PHLDB2: variants seen among roughly 807,000 people sequenced by gnomAD.
The protein encoded by PHLDB2 is pleckstrin homology like domain family B member 2.
A neutral mutation model predicts 123.6 loss-of-function variants in PHLDB2; 71 were observed. The observed-to-expected ratio is 0.57, with a 90% CI of 0.47 to 0.70. The LOEUF (loss-of-function observed/expected upper bound fraction) is 0.70. PHLDB2 is among the 30% of genes least tolerant of loss of function. The pLI is 0.00. For missense variants in PHLDB2, 1,446 were observed against 1,519.5 expected (o/e 0.95, Z 0.80); for synonymous variants, 547 against 541.6 (o/e 1.01, Z -0.14).
intron 2 of PHLDB2, among the ~76,000 whole-genome samples, chr3:111,894,619 G>A (rs1282520352): frequency 2.6e-5 from 4 of 151,500 alleles, no homozygotes; most frequent in African/African-American, 9.7e-5. Flanking sequence ...GGTGTGAGAT[G>A]GTTTCTCATT....
chr3:111,878,821 T>G (rs529674277), intron 1 of PHLDB2, among the ~76,000 whole-genome samples: 1 of 152,236 alleles, frequency 6.6e-6, no homozygotes, highest in African/African-American at 2.4e-5. Flanking sequence ...ATGTGGTTTT[T>G]ATTATTGGTT....
intron 1 of PHLDB2, among the ~76,000 whole-genome samples, chr3:111,734,168 A>G (rs772122751): frequency 2.6e-5 from 4 of 152,230 alleles, no homozygotes; most frequent in Non-Finnish European, 4.4e-5. Flanking sequence ...GTTTCTGTGA[A>G]GATATTAAGC....
chr3:111,884,554 C>T lies in PHLDB2; in HGVS notation c.477C>T (p.Asp159=), dbSNP rs752229010. ...ATAGCTCAAGGCATAAATCGCATGA[C>T]AATGTCTACTCTCTTGGAGGGCTGG... ...SKYSSRHKSH[D]NVYSLGGLEG... is the part of the protein sequence containing the mutation. Residue 159 remains aspartate, a synonymous_variant, in exon 2 of 18, where the codon GAC becomes GAT. Coordinates refer to ENST00000431670, the MANE Select transcript of PHLDB2 (RefSeq NM_001134438.2). 3 of 1,614,012 alleles carry T rather than the reference C, an allele frequency of 1.9e-6. No homozygotes were observed. Among genetic ancestry groups the T allele is most frequent in the African/African-American group, 2.7e-5 (2 of 74,914 alleles).
At chr3:111,971,424 C>A (rs889462422) in intron 16 of PHLDB2, among the ~76,000 whole-genome samples, 4 of 150,308 alleles carry the variant, frequency 2.7e-5, no homozygotes, top group African/African-American at 4.9e-5. Flanking sequence ...ACCAAAACTT[C>A]TGGTGACTGA....
At chr3:111,921,689 C>T (rs1055123147) in intron 5 of PHLDB2, among the ~76,000 whole-genome samples, 9 of 151,050 alleles carry the variant, frequency 6.0e-5, no homozygotes, top group East Asian at 1.9e-4. Flanking sequence ...CTGCAAGCTC[C>T]GCCTCGCAGG....
intron 1 of PHLDB2, among the ~76,000 whole-genome samples, chr3:111,797,422 T>C (rs187769341): frequency 2.0e-5 from 3 of 152,334 alleles, no homozygotes; most frequent in Middle Eastern, 3.4e-3. Context: ...CTAATTCTTA[T>C]CTCAGACACT....
intron 12 of PHLDB2, 31 bp from the exon 13 acceptor site, chr3:111,962,077 C>A (rs2071443167): frequency 6.4e-7 from 1 of 1,568,704 alleles, no homozygotes; most frequent in Non-Finnish European, 8.6e-7. Context: ...AAAAATGAGG[C>A]AAACTAACAT....
chr3:111,878,245 T>C (rs1011293594), intron 1 of PHLDB2, among the ~76,000 whole-genome samples: 1 of 152,216 alleles, frequency 6.6e-6, no homozygotes. Context: ...TGGTTTGTAG[T>C]TCTCCTTGAA....
At chr3:111,753,790 G>A (rs1339007775) in intron 1 of PHLDB2, among the ~76,000 whole-genome samples, 33 of 152,176 alleles carry the variant, frequency 2.2e-4, no homozygotes, top group South Asian at 4.2e-4. Context: ...TAGGTCTAAC[G>A]TTTAAGTCTT....
At chr3:111,837,462 T>C (rs558100701) in intron 1 of PHLDB2, among the ~76,000 whole-genome samples, 2 of 152,246 alleles carry the variant, frequency 1.3e-5, no homozygotes, top group Admixed American at 1.3e-4. Flanking sequence ...GTAATTTCTG[T>C]TGTGTCAAAA....
intron 1 of PHLDB2, among the ~76,000 whole-genome samples, chr3:111,828,570 C>T (rs773410903): frequency 3.9e-5 from 6 of 152,134 alleles, no homozygotes; most frequent in African/African-American, 9.7e-5. Context: ...GCTGGCGGAT[C>T]GTTTGAGCCC....
chr3:111,876,496 A>ATACT (rs1222443728), intron 1 of PHLDB2, among the ~76,000 whole-genome samples: 2 of 152,018 alleles, frequency 1.3e-5, no homozygotes, highest in Non-Finnish European at 2.9e-5. Flanking sequence ...TATGTATGAT[A>ATACT]TACTATATTC....
rs138881371 is a variant in PHLDB2 at position 111,745,744 on chromosome 3, A to C, written c.-49+13041A>C. On this transcript the variant is annotated intron_variant, in intron 1 of 17. Coordinates refer to the PHLDB2 transcript ENST00000393923. ...ACCACTGCCCTCCGGCCTGGGCAAC[A>C]GAGCAAGACCTTGAAAACAAAAACA... Among the ~76,000 whole-genome samples, 243 of 152,290 alleles carry C rather than the reference A, an allele frequency of 1.6e-3. 1 individual carries two copies. Among genetic ancestry groups the C allele is most frequent in the African/African-American group, 5.5e-3 (230 of 41,548 alleles).
intron 2 of PHLDB2, among the ~76,000 whole-genome samples, chr3:111,888,600 G>A (rs564763933): frequency 6.6e-6 from 1 of 152,210 alleles, no homozygotes; most frequent in Non-Finnish European, 1.5e-5. Flanking sequence ...AGTTACACTT[G>A]TAAGGTACTA....
chr3:111,863,683 C>T (rs2064940155), intron 1 of PHLDB2, among the ~76,000 whole-genome samples: 2 of 152,180 alleles, frequency 1.3e-5, no homozygotes. Context: ...TGTACTTTCT[C>T]CTGCACCCAC....
At chr3:111,904,363 C>T (rs2067395111) in intron 2 of PHLDB2, among the ~76,000 whole-genome samples, 1 of 150,748 alleles carries the variant, frequency 6.6e-6, no homozygotes. Context: ...CAGAGAGGTA[C>T]TGAGCCTCCT....
chr3:111,884,214 G>A lies in PHLDB2; in HGVS notation c.137G>A (p.Ser46Asn), dbSNP rs34251436. 1 of 1,614,098 alleles carries A rather than the reference G, an allele frequency of 6.2e-7. No homozygotes were observed. Among genetic ancestry groups the A allele is most frequent in the South Asian group, 1.1e-5 (1 of 91,078 alleles). Reference protein sequence around the residue: ...ESLSPKKYSSSLRFKANGDYS... With the variant: ...ESLSPKKYSSNLRFKANGDYS... ...CTCAGCCCAAAGAAATACTCTTCCA[G>A]TCTGAGATTTAAAGCCAATGGAGAC... The change falls in exon 2 of 18, where the codon AGT becomes AAT. Residue 46 changes from serine to asparagine, a missense_variant. This residue lies in a region of PHLDB2 where 832 missense variants were observed against 831.9 expected (regional missense o/e 1.00). Transcript: ENST00000431670.
intron 1 of PHLDB2, among the ~76,000 whole-genome samples, chr3:111,865,599 G>A (rs186449687): frequency 6.6e-4 from 101 of 152,176 alleles, no homozygotes; most frequent in African/African-American, 2.3e-3. Context: ...AATGAAGACA[G>A]GCGAATTGAC....
At position 111,952,488 on chromosome 3, in the gene PHLDB2, T is replaced by G. The variant is rs1046525711; in HGVS notation, c.2632-84T>G. On this transcript the variant is annotated intron_variant, in intron 10 of 17. Coordinates refer to ENST00000431670, the MANE Select transcript of PHLDB2 (RefSeq NM_001134438.2). ...ATTCTGTTAAAATTCCAGTTTTTTT[T>G]GTAAGTGCATAATTCTTCATTTCTT... is the stretch of plus-strand genomic sequence containing the variant. The G allele has an allele frequency of 1.1e-5, 16 of 1,460,806 alleles. No homozygotes were observed. The African/African-American group carries it at 1.6e-4, about 14-fold the overall frequency. 90.5% of individuals were successfully genotyped at this position (1,460,806 alleles called of 1,614,324 possible). A position where few individuals can be genotyped will look rare whatever the true frequency, so the allele number is the denominator to read the frequency against.
Sources: allele counts gnomAD v4.1 joint callset (sites outside exome capture counted in the v4.1 genomes callset), GRCh38; gene constraint gnomAD v4.1.1; regional missense constraint gnomAD v4.1.1; transcripts MANE v1.5; gene names NCBI Gene and HGNC (gene_info 2026-07-23, HGNC 2026-07-21).